Variants in LRGUK observed in about 807,000 individuals in gnomAD.
LRGUK encodes the protein leucine-rich repeat and guanylate kinase domain-containing protein.
In LRGUK, 65 loss-of-function variants were observed where a neutral mutation model predicts 76.0. The observed-to-expected ratio is 0.85, with a 90% CI of 0.70 to 1.05. The LOEUF (loss-of-function observed/expected upper bound fraction) is 1.05, where lower values mean the gene tolerates loss of function less well. Among genes scored for constraint, LRGUK ranks in the 50% least tolerant of loss-of-function variants. The pLI, the probability that LRGUK is intolerant of heterozygous loss-of-function variation, is 0.00. For synonymous variants in LRGUK, 268 were observed against 265.6 expected (o/e 1.01, Z -0.09); for missense variants, 758 against 732.8 (o/e 1.03, Z -0.40).
intron 7 of LRGUK, among the ~76,000 whole-genome samples, chr7:134,167,769 A>G (rs1799058480): frequency 6.6e-6 from 1 of 152,096 alleles, no homozygotes; most frequent in Non-Finnish European, 1.5e-5. Flanking sequence ...TTTTCCCCAC[A>G]TCTTCAAATA....
At chr7:134,176,677 G>A (rs1482385916) in intron 8 of LRGUK, among the ~76,000 whole-genome samples, 1 of 152,070 alleles carries the variant, frequency 6.6e-6, no homozygotes, top group Non-Finnish European at 1.5e-5. Context: ...ACTTTGCCCG[G>A]CCAATTAAAT....
At chr7:134,247,558 A>T in exon 17 of LRGUK, 4 of 1,610,848 alleles carry the variant, frequency 2.5e-6, no homozygotes, top group Non-Finnish European at 3.4e-6. Flanking sequence ...TTACCTAGGA[A>T]AGAGATTCTA....
At chr7:134,270,500 C>G in the LRGUK span, among the ~76,000 whole-genome samples, 1 of 151,970 alleles carries the variant, frequency 6.6e-6, no homozygotes, top group Non-Finnish European at 1.5e-5. Context: ...TCCTGATTTC[C>G]CACCCTGATG....
At chr7:134,180,241 C>T (rs141106576) in intron 10 of LRGUK, among the ~76,000 whole-genome samples, 3 of 152,032 alleles carry the variant, frequency 2.0e-5, no homozygotes, top group Non-Finnish European at 4.4e-5. Flanking sequence ...TATTTAGAGG[C>T]CTTTTAGTGG....
chr7:134,237,477 G>A (rs1054671855), intron 16 of LRGUK, among the ~76,000 whole-genome samples: 13 of 151,980 alleles, frequency 8.6e-5, no homozygotes, highest in Admixed American at 3.3e-4. Context: ...ACCACCCACC[G>A]CATTTTTTAT....
chr7:134,201,553 C>T, exon 15 of LRGUK: 2 of 1,613,620 alleles, frequency 1.2e-6, no homozygotes, highest in Non-Finnish European at 1.7e-6. Context: ...GAGGAACCTG[C>T]CAAGAGTTTG....
exon 19 of LRGUK, chr7:134,258,306 C>T: frequency 1.9e-6 from 3 of 1,614,014 alleles, no homozygotes; most frequent in Non-Finnish European, 2.5e-6. Context: ...TCGGTTCTGT[C>T]CGTGGTCAAA....
At chr7:134,269,255 T>C (rs1259539552), downstream of LRGUK, among the ~76,000 whole-genome samples, 1 of 152,136 alleles carries the variant, frequency 6.6e-6, no homozygotes, top group East Asian at 1.9e-4. Flanking sequence ...CATTTCCAGA[T>C]ACTTACAGAT....
In LRGUK at chr7:134,191,684, T is replaced by C. The variant is rs1563172650; in HGVS notation, c.1364T>C (p.Phe455Ser). The change falls in exon 12 of 16, where the codon TTT becomes TCT. Residue 455 changes from phenylalanine to serine, a missense_variant. Physicochemically the swap from Phe to Ser is radical, Grantham distance 155. Coordinates refer to ENST00000645682, the Ensembl canonical transcript of LRGUK. ...TGTCATACCACAAGACCACCTTACT[T>C]TGGAGAAGGGGATCGAGTTGATTAT... The C allele has an allele frequency of 2.5e-6, 4 of 1,612,892 alleles. No homozygotes were observed. In the Admixed American group the frequency reaches 6.7e-5, roughly 27 times the overall value.
At position 134,136,797 on chromosome 7, in the gene LRGUK, C is replaced by T. The variant is rs182028722; in HGVS notation, c.298-226C>T. Among the ~76,000 whole-genome samples the T allele has an allele frequency of 4.3e-3, 653 of 152,166 alleles. 4 individuals are homozygous for T. Among genetic ancestry groups the T allele is most frequent in the African/African-American group, 0.012 (510 of 41,506 alleles). On this transcript the variant is annotated intron_variant, in intron 1 of 15. Coordinates refer to ENST00000645682, the Ensembl canonical transcript of LRGUK. The stretch of plus-strand genomic sequence containing the variant: ...TTTGAATGCCTAATGCAAGTGACCA[C>T]CTGAAAAAAACAGTGGCAATGAAAA...
chr7:134,161,829 T>C (rs1005709309), intron 6 of LRGUK, among the ~76,000 whole-genome samples: 7 of 151,800 alleles, frequency 4.6e-5, no homozygotes, highest in African/African-American at 1.7e-4. Context: ...TAGCTGGGAC[T>C]ACAGGCACCC....
chr7:134,150,267 ACT>A (rs1382422060), intron 5 of LRGUK, among the ~76,000 whole-genome samples: 1 of 145,556 alleles, frequency 6.9e-6, no homozygotes, highest in African/African-American at 2.6e-5. Context: ...AGAGCCCGAG[ACT>A]CTGTCTCAAA....
At chr7:134,264,215 T>G (rs1198540510) in exon 20 of LRGUK, 2 of 368,424 alleles carry the variant, frequency 5.4e-6, no homozygotes, top group African/African-American at 4.2e-5. Flanking sequence ...TTTTTTAATG[T>G]GAGTTATTCT....
chr7:134,239,863 G>A (rs1317541478), intron 16 of LRGUK, among the ~76,000 whole-genome samples: 1 of 152,164 alleles, frequency 6.6e-6, no homozygotes, highest in Admixed American at 6.5e-5. Flanking sequence ...TCCAGAGGAA[G>A]GATTAGGCAG....
chr7:134,234,402 A>G (rs755442536), intron 16 of LRGUK, among the ~76,000 whole-genome samples: 5 of 152,050 alleles, frequency 3.3e-5, no homozygotes, highest in Non-Finnish European at 7.3e-5. Flanking sequence ...GAACCTACGA[A>G]TGAGTAAAAG....
chr7:134,264,997 G>A (rs1313402491), downstream of LRGUK, among the ~76,000 whole-genome samples: 1 of 152,050 alleles, frequency 6.6e-6, no homozygotes, highest in Non-Finnish European at 1.5e-5. Context: ...GTTGGCTCTT[G>A]TCCTCCCCCA....
intron 11 of LRGUK, among the ~76,000 whole-genome samples, chr7:134,185,217 A>C (rs929575586): frequency 9.9e-5 from 15 of 152,168 alleles, no homozygotes; most frequent in South Asian, 8.3e-4. Flanking sequence ...AAAACCAAAA[A>C]CAAACAAACA....
intron 16 of LRGUK, among the ~76,000 whole-genome samples, chr7:134,231,361 C>G (rs1801885234): frequency 6.6e-6 from 1 of 152,126 alleles, no homozygotes; most frequent in African/African-American, 2.4e-5. Flanking sequence ...TTAGAAAGAG[C>G]CTTTGCTCTC....
intron 12 of LRGUK, among the ~76,000 whole-genome samples, chr7:134,196,605 G>A (rs1800495059): frequency 6.6e-6 from 1 of 152,136 alleles, no homozygotes; most frequent in Non-Finnish European, 1.5e-5. Flanking sequence ...CTGGTGTGCT[G>A]GCACAGCTGA....
Sources: allele counts gnomAD v4.1 joint callset (sites outside exome capture counted in the v4.1 genomes callset), GRCh38; gene constraint gnomAD v4.1.1; transcripts MANE v1.5; gene names NCBI Gene and HGNC (gene_info 2026-07-23, HGNC 2026-07-21).